The following MYRFL variants were observed in gnomAD, a reference collection of about 807,000 sequenced individuals.
MYRFL encodes the protein myelin regulatory factor like.
In MYRFL, 88 loss-of-function variants were observed where a neutral mutation model predicts 109.4. The observed-to-expected ratio is 0.80, with a 90% CI of 0.68 to 0.96. The LOEUF is 0.96. MYRFL is among the 40% of genes least tolerant of loss of function. The pLI is 0.00. For missense variants in MYRFL, 957 were observed against 954.9 expected, an observed-to-expected ratio of 1.00 and a Z score of -0.03; for synonymous variants, 324 against 320.9, an observed-to-expected ratio of 1.01 and a Z score of -0.10.
chr12:69,909,012 G>A (rs926471604), intron 11 of MYRFL, among the ~76,000 whole-genome samples: 3 of 152,156 alleles, frequency 2.0e-5, no homozygotes, highest in African/African-American at 7.2e-5. Context: ...AGAACATGCA[G>A]TATTTGGTGT....
At chr12:69,855,622 T>C (rs946956823) in intron 2 of MYRFL, among the ~76,000 whole-genome samples, 4 of 152,230 alleles carry the variant, frequency 2.6e-5, no homozygotes, top group African/African-American at 9.6e-5. Flanking sequence ...TATCTATTGA[T>C]AGTAATCAGC....
chr12:69,953,536 C>G (rs1330449674), intron 21 of MYRFL, among the ~76,000 whole-genome samples: 1 of 152,050 alleles, frequency 6.6e-6, no homozygotes, highest in Non-Finnish European at 1.5e-5. Flanking sequence ...GAGGCTGAGG[C>G]AGAAGGACTG....
chr12:69,844,992 T>C (rs567008065), intron 1 of MYRFL, among the ~76,000 whole-genome samples: 42 of 152,218 alleles, frequency 2.8e-4, no homozygotes, highest in African/African-American at 9.9e-4. Flanking sequence ...GCTCCTGTGC[T>C]CTAACCCATT....
chr12:69,833,902 G>T (rs1305332509), intron 1 of MYRFL, among the ~76,000 whole-genome samples: 1 of 137,914 alleles, frequency 7.3e-6, no homozygotes, highest in Admixed American at 8.2e-5. Context: ...GCACTTTACT[G>T]CCATCTGCCA....
intron 10 of MYRFL, among the ~76,000 whole-genome samples, chr12:69,901,901 TAAA>T (rs1357922466): frequency 0.034 from 4,835 of 143,886 alleles, 37 homozygotes; most frequent in African/African-American, 0.052. Flanking sequence ...TTGTTTTTTT[TAAA>T]TTTTCTTGAG....
rs1249507993 is a variant in MYRFL, at chr12:69,926,551, G to T, written c.1603-20G>T. Reference sequence around the variant, plus strand: ...CTCAAATTGTTAATTTATGCACTCTGTTTGATTTTTCCCTTTTAGGACCAG... The same window carrying T: ...CTCAAATTGTTAATTTATGCACTCTTTTTGATTTTTCCCTTTTAGGACCAG... On this transcript the variant is annotated intron_variant, in intron 13 of 24. Transcript: ENST00000552032. The T allele has an allele frequency of 6.8e-7, 1 of 1,473,790 alleles. No homozygotes were observed. Among genetic ancestry groups the T allele is most frequent in the East Asian group, 2.5e-5 (1 of 40,302 alleles). The allele number at this position is 1,473,790 out of a possible 1,614,324, so 91.3% of individuals were successfully genotyped here. A position where few individuals can be genotyped will look rare whatever the true frequency, so the allele number is the denominator to read the frequency against.
chr12:69,921,439 T>C (rs181445768), intron 13 of MYRFL, among the ~76,000 whole-genome samples: 1 of 152,312 alleles, frequency 6.6e-6, no homozygotes, highest in Admixed American at 6.5e-5. Context: ...AATCTGCTCA[T>C]ACAGACCTAA....
At chr12:69,891,664 T>TCTCTTTCTTTCTTTCTTTCCTCCTTC (rs1886884134) in intron 7 of MYRFL, among the ~76,000 whole-genome samples, 2 of 115,490 alleles carry the variant, frequency 1.7e-5, no homozygotes, top group Non-Finnish European at 3.6e-5. Flanking sequence ...TTTCTTTCTT[T>TCTCTTTCTTTCTTTCTTTCCTCCTTC]CTTTCTTTCT....
intron 10 of MYRFL, among the ~76,000 whole-genome samples, chr12:69,901,503 G>T (rs1954178803): frequency 6.6e-6 from 1 of 152,146 alleles, no homozygotes; most frequent in Non-Finnish European, 1.5e-5. Flanking sequence ...TGAGAGTATT[G>T]CAATTGTTCC....
chr12:69,945,666 C>G (rs72648192), intron 19 of MYRFL, among the ~76,000 whole-genome samples: 19,432 of 152,112 alleles, frequency 0.13, 1,856 homozygotes, highest in East Asian at 0.48. Flanking sequence ...GCTCGTTGCT[C>G]TCTGTGACAA....
intron 2 of MYRFL, among the ~76,000 whole-genome samples, chr12:69,867,778 G>C (rs556164909): frequency 6.6e-6 from 1 of 152,154 alleles, no homozygotes. Flanking sequence ...GAGAGAGTAC[G>C]TGGAGTTCTG....
rs1565988313 is a variant in MYRFL, at chr12:69,877,028, T to TTCTTTC, written c.138-1999_138-1998insCTTTCT. On this transcript the variant is annotated intron_variant, in intron 2 of 24. Transcript: ENST00000552032. ...CTTTCTTTCTTTCTTTCTTTCTTTTTTTTTTTTTTTTTTGAGACGGAGTCT... is the reference window on the plus strand; with the variant it reads ...CTTTCTTTCTTTCTTTCTTTCTTTTTTCTTTCTTTTTTTTTTTTTGAGACGGAGTCT... Among the ~76,000 whole-genome samples the TTCTTTC allele has an allele frequency of 4.2e-3, 549 of 130,210 alleles. 2 individuals are homozygous for TTCTTTC. The highest frequency in any genetic ancestry group is 5.1e-3 in the Non-Finnish European group (315 of 61,234). 85.4% of individuals were successfully genotyped at this position (130,210 alleles called of 152,430 possible).
chr12:69,907,505 G>GTT (rs1252702702), intron 11 of MYRFL, among the ~76,000 whole-genome samples: 1 of 152,114 alleles, frequency 6.6e-6, no homozygotes, highest in African/African-American at 2.4e-5. Context: ...AGGAACAAAG[G>GTT]GGAAAATAGG....
intron 13 of MYRFL, 81 bp downstream of exon 13, chr12:69,911,011 A>G: frequency 1.1e-6 from 1 of 896,078 alleles, no homozygotes; most frequent in Non-Finnish European, 1.7e-6. Flanking sequence ...AATGGGCTGA[A>G]ACATCCAACC....
chr12:69,927,401 A>G (rs569298968), intron 14 of MYRFL, among the ~76,000 whole-genome samples: 2 of 141,112 alleles, frequency 1.4e-5, no homozygotes, highest in Admixed American at 1.5e-4. Context: ...CCTCAGGGGG[A>G]AAACTTTCTG....
At chr12:69,946,530 A>G (rs1322191286) in intron 19 of MYRFL, 1 of 152,232 alleles carries the variant, frequency 6.6e-6, no homozygotes, top group Non-Finnish European at 1.5e-5. Flanking sequence ...GAAAATACAT[A>G]AAGAACAAAT....
intron 8 of MYRFL, 83 bp downstream of exon 8, chr12:69,893,923 TTATTATC>T (rs1378837467): frequency 2.5e-6 from 1 of 394,726 alleles, no homozygotes; most frequent in Non-Finnish European, 3.9e-6. Context: ...ATAATTTTAT[TTATTATC>T]TAATATATTT....
At position 69,912,609 on chromosome 12, in the gene MYRFL, G is replaced by T. The variant is rs533731608; in HGVS notation, c.1602+1679G>T. 9.9e-5 allele frequency among the ~76,000 whole-genome samples: 15 copies of T among 152,188 alleles called. No individual in the cohort carries two copies. In the South Asian group the frequency reaches 2.7e-3, roughly 27 times the overall value. On this transcript the variant is annotated intron_variant, in intron 13 of 24. Transcript: ENST00000552032. The stretch of plus-strand genomic sequence containing the variant: ...TTTCACTTAGCTTAATGTCCTCGAG[G>T]TTCATCTATGTTGCAGTGTGTATCA...
Position 69,958,466 on chromosome 12 carries a change from G to T in MYRFL, c.2668G>T (p.Asp890Tyr), listed in dbSNP as rs1205408126. 5 of 1,531,750 alleles carry T rather than the reference G, an allele frequency of 3.3e-6. No homozygotes were observed. The East Asian group carries it at 1.2e-4, about 38-fold the overall frequency. 94.9% of individuals were successfully genotyped at this position (1,531,750 alleles called of 1,614,324 possible). A position where few individuals can be genotyped will look rare whatever the true frequency, so the allele number is the denominator to read the frequency against. Residue 890 changes from aspartate to tyrosine, a missense_variant, in exon 25 of 25, where the codon GAT becomes TAT. Asp to Tyr is a radical substitution (Grantham distance 160). Transcript: ENST00000552032. ...AAPDLADCST[D>Y]PYFAGIFFTD... ...ACAGGATTTAGCTGACTGTTCAACT[G>T]ATCCTTATTTTGCTGGGATATTCTT...
Sources: gnomAD v4.1 joint callset for allele counts (sites outside exome capture counted in the v4.1 genomes callset) on GRCh38, gnomAD v4.1.1 for gene constraint, MANE v1.5 for transcripts, NCBI Gene and HGNC (gene_info 2026-07-23, HGNC 2026-07-21) for gene names.